TTN: variants seen among roughly 807,000 people sequenced by gnomAD.
TTN encodes the protein connectin.
Under a neutral mutation model 3,223.0 loss-of-function variants are expected in TTN, and 1,525 were observed. The ratio of observed to expected loss-of-function variants is 0.47; its 90% confidence interval spans 0.45 to 0.49. TTN has a LOEUF of 0.49. Ranked by LOEUF, TTN falls within the 20% of genes least tolerant of loss-of-function variation. The pLI is 0.00. For missense variants in TTN, 40,786 were observed against 43,424.0 expected, an observed-to-expected ratio of 0.94 and a Z score of 5.40; for synonymous variants, 14,094 against 15,161.0, an observed-to-expected ratio of 0.93 and a Z score of 5.17.
Position 178,612,756 on chromosome 2 carries a change from C to T in TTN, c.49948+17G>A. On this transcript the variant is annotated intron_variant, in intron 265 of 362. Transcript: ENST00000589042. ...ATTAGAAGAATTTATATATCCCAGA[C>T]ATCAAGAGTGACTTACATAGCTTCT... The T allele has an allele frequency of 6.2e-7, 1 of 1,600,218 alleles. No homozygotes were observed. Among genetic ancestry groups the T allele is most frequent in the Non-Finnish European group, 8.5e-7 (1 of 1,175,406 alleles).
In TTN at chr2:178,654,220, G is replaced by A. The variant is rs1454897026; in HGVS notation, c.38368C>T (p.Pro12790Ser). 24 of 1,597,098 alleles carry A rather than the reference G, an allele frequency of 1.5e-5. 1 individual carries two copies. Among genetic ancestry groups the A allele is most frequent in the Non-Finnish European group, 2.0e-5 (23 of 1,177,862 alleles). The change falls in exon 193 of 363, where the codon CCA (proline) becomes TCA (serine). Residue 12790 changes from proline to serine, a missense_variant. Physicochemically the swap from Pro to Ser is moderately conservative, Grantham distance 74. Coordinates refer to ENST00000589042, the MANE Select transcript of TTN (RefSeq NM_001267550.2). ...SVAVPKKPEA[P>S]RAKVPEAAQE... Reference sequence around the variant, plus strand: ...AGGGAATAAATACCTTTTGCACGTGGGGCTTCCGGTTTTTTGGGCACAGCC... The same window carrying A: ...AGGGAATAAATACCTTTTGCACGTGAGGCTTCCGGTTTTTTGGGCACAGCC...
rs1702051933 is a variant in TTN at position 178,557,657 on chromosome 2, G to C, written c.87697C>G (p.Leu29233Val). The C allele has an allele frequency of 6.2e-7, 1 of 1,613,796 alleles. No homozygotes were observed. ...HIDSACVTVK[L>V]PYTTPGPPST... ...AAGTTGGACAACTTACTGTATGGTA[G>C]TTTGACAGTCACACAAGCTGAATCT... The change falls in exon 328 of 363, where the codon CTA becomes GTA. Residue 29233 changes from leucine to valine, a missense_variant. Coordinates refer to ENST00000589042, the MANE Select transcript of TTN (RefSeq NM_001267550.2).
At position 178,728,721 on chromosome 2, in the gene TTN, A is replaced by G. The variant is rs1268309891; in HGVS notation, c.19205T>C (p.Met6402Thr). The change falls in exon 66 of 363, where the codon ATG becomes ACG. Residue 6402 changes from methionine (M) to threonine (T), a missense_variant. Met to Thr is a moderately conservative substitution (Grantham distance 81). Transcript: ENST00000589042. ...KSVDVTEKDPMTLECVVAGTP... is the reference protein window; with the variant it reads ...KSVDVTEKDPTTLECVVAGTP... ...TCCAGCCACAACACATTCCAAGGTC[A>G]TGGGATCTTTCTCCGTAACATCAAC... 1 of 1,611,316 alleles carries G rather than the reference A, an allele frequency of 6.2e-7. No individual in the cohort carries two copies. The highest frequency in any genetic ancestry group is 8.5e-7 in the Non-Finnish European group (1 of 1,177,820).
rs2079507159 is a variant in TTN, at chr2:178,727,306, G to C, written c.20059C>G (p.Leu6687Val). 1.2e-6 allele frequency: 2 copies of C among 1,612,576 alleles called. No homozygotes were observed. Among genetic ancestry groups the C allele is most frequent in the Non-Finnish European group, 1.7e-6 (2 of 1,179,168 alleles). The change falls in exon 69 of 363, where the codon CTT (leucine) becomes GTT (valine). Residue 6687 changes from leucine (L) to valine (V), a missense_variant. Physicochemically the swap from Leu to Val is conservative, Grantham distance 32 (BLOSUM62 1). Transcript: ENST00000589042. Reference protein sequence around the residue: ...KIVKAGDSSRLECKIAGSPEI... With the variant: ...KIVKAGDSSRVECKIAGSPEI... ...GGGGATCCAGCTATCTTGCATTCAA[G>C]TCGTGAAGAGTCACCTGCTTTCACA...
At position 178,715,180 on chromosome 2, in the gene TTN, G is replaced by C. The variant is rs773386252; in HGVS notation, c.26006C>G (p.Thr8669Ser). Residue 8669 changes from threonine (T) to serine (S), a missense_variant, in exon 90 of 363, where the codon ACT (threonine) becomes AGT (serine). Thr to Ser is a moderately conservative substitution (Grantham distance 58). Coordinates refer to ENST00000589042, the MANE Select transcript of TTN (RefSeq NM_001267550.2). ...ATACCAAGAAACGTGAAATGGGGGA[G>C]TGCCCTGAAGCTCACATTCAAGGTG... ...DVHLECELQG[T>S]PPFHVSWYKD... The C allele has an allele frequency of 6.2e-7, 1 of 1,613,736 alleles. No individual in the cohort carries two copies. Among genetic ancestry groups the C allele is most frequent in the Non-Finnish European group, 8.5e-7 (1 of 1,179,704 alleles).
Position 178,746,598 on chromosome 2 carries a change from C to A in TTN, c.11312-4677G>T, listed in dbSNP as rs748674892. The A allele has an allele frequency of 5.0e-6, 8 of 1,613,126 alleles. No individual in the cohort carries two copies. The highest frequency in any genetic ancestry group is 3.3e-5 in the Admixed American group (2 of 59,858). ...TCCTGGGGCATTATGTCTACATTTG[C>A]AAAGCTCTTTGCTTCCCCTATGATG... On this transcript the variant is annotated intron_variant, in intron 47 of 362. Transcript: ENST00000589042.
chr2:178,778,604 A>G lies in TTN; in HGVS notation c.4208+270T>C, dbSNP rs2092470135. 3 of 465,524 alleles carry G rather than the reference A, an allele frequency of 6.4e-6. No individual in the cohort carries two copies. The Admixed American group carries it at 1.0e-4, about 16-fold the overall frequency. 28.8% of individuals were successfully genotyped at this position (465,524 alleles called of 1,614,324 possible). A position where few individuals can be genotyped will look rare whatever the true frequency, so the allele number is the denominator to read the frequency against. On this transcript the variant is annotated intron_variant, in intron 24 of 362. Coordinates refer to ENST00000589042, the MANE Select transcript of TTN (RefSeq NM_001267550.2). ...TTGCAGGGCTGTTGTATAAATTTAC[A>G]TATGTAAAAATCAGGTGTCAAATAA...
At position 178,750,501 on chromosome 2, in the gene TTN, A is replaced by G. The variant is rs182640468; in HGVS notation, c.11311+2623T>C. 1 of 1,612,836 alleles carries G rather than the reference A, an allele frequency of 6.2e-7. No homozygotes were observed. The highest frequency in any genetic ancestry group is 1.7e-5 in the Admixed American group (1 of 59,798). On this transcript the variant is annotated intron_variant, in intron 47 of 362. Coordinates refer to ENST00000589042, the MANE Select transcript of TTN (RefSeq NM_001267550.2). ...ACTATAGGTTGAGGATATCCTTGAA[A>G]ATGACACACAAAATTACAACTGTCA...
At position 178,601,664 on chromosome 2, in the gene TTN, C is replaced by G. The variant is rs780649835; in HGVS notation, c.55426G>C (p.Val18476Leu). ...GQKTANCRVK[V>L]MDVPGPPKDL... ...CTTTCAAAGTCTTTCTTACCCATGA[C>G]TTTAACTCTGCAATTTGCAGTCTTT... The change falls in exon 286 of 363, where the codon GTC (valine) becomes CTC (leucine). Residue 18476 changes from valine to leucine, a missense_variant. Coordinates refer to ENST00000589042, the MANE Select transcript of TTN (RefSeq NM_001267550.2). The G allele has an allele frequency of 6.3e-7, 1 of 1,597,228 alleles. No individual in the cohort carries two copies. The highest frequency in any genetic ancestry group is 8.5e-7 in the Non-Finnish European group (1 of 1,174,860).
In TTN at chr2:178,775,205, A is replaced by G. The variant is rs1461572602; in HGVS notation, c.6509-3T>C. Reference sequence around the variant, plus strand: ...TGTGAAAGTGATCAATTGCTTGGCTACAAGAAAAAGGTGGGGGAAAAAGGG... The same window carrying G: ...TGTGAAAGTGATCAATTGCTTGGCTGCAAGAAAAAGGTGGGGGAAAAAGGG... On this transcript the variant is annotated splice_region_variant and splice_polypyrimidine_tract_variant and intron_variant, in intron 28 of 362. Coordinates refer to ENST00000589042, the MANE Select transcript of TTN (RefSeq NM_001267550.2). The G allele has an allele frequency of 1.2e-6, 2 of 1,613,920 alleles. No individual in the cohort carries two copies. Among genetic ancestry groups the G allele is most frequent in the African/African-American group, 2.7e-5 (2 of 75,066 alleles).
chr2:178,697,016 C>G, intron 113 of TTN, 105 bp downstream of exon 113: 1 of 1,038,028 alleles, frequency 9.6e-7, no homozygotes, highest in South Asian at 1.5e-5. Flanking sequence ...AGAGGAGACT[C>G]CACAACTTTC....
intron 34 of TTN, 152 bp downstream of exon 34, chr2:178,771,059 T>C: frequency 7.9e-7 from 1 of 1,257,932 alleles, no homozygotes; most frequent in Non-Finnish European, 1.1e-6. Flanking sequence ...TTGTACCTTG[T>C]GGAATGTGTC....
At position 178,604,004 on chromosome 2, in the gene TTN, C is replaced by T. The variant is rs2154194670; in HGVS notation, c.54683G>A (p.Gly18228Asp). 1 of 1,612,898 alleles carries T rather than the reference C, an allele frequency of 6.2e-7. No homozygotes were observed. The highest frequency in any genetic ancestry group is 1.3e-5 in the African/African-American group (1 of 74,970). ...RAPITKVGLK[G>D]VEFNVPRLLE... ...CAAACGAGGAACATTAAATTCCACG[C>T]CTTTCAATCCCACTTTGGTTATTGG... The change falls in exon 282 of 363, where the codon GGC becomes GAC. Residue 18228 changes from glycine (G) to aspartate (D), a missense_variant. Coordinates refer to ENST00000589042, the MANE Select transcript of TTN (RefSeq NM_001267550.2).
Position 178,634,595 on chromosome 2 carries a change from A to T in TTN, c.42186T>A (p.Asp14062Glu). Reference protein sequence around the residue: ...IELDFAVPLKDVTVPERRQAR... With the variant: ...IELDFAVPLKEVTVPERRQAR... ...CCTGTCGCCTTTCTGGAACAGTGACATCCTTCAGGGGCACAGCAAAGTCAA... is the reference window on the plus strand; with the variant it reads ...CCTGTCGCCTTTCTGGAACAGTGACTTCCTTCAGGGGCACAGCAAAGTCAA... The change falls in exon 230 of 363, where the codon GAT becomes GAA. Residue 14062 changes from aspartate to glutamate, a missense_variant. By Grantham distance (45) the Asp-to-Glu change is conservative. Coordinates refer to ENST00000589042, the MANE Select transcript of TTN (RefSeq NM_001267550.2). This position sits in a 1 kb window ranked among gnomAD's most constrained non-coding sequence, Gnocchi z 4.6. 1 of 1,613,360 alleles carries T rather than the reference A, an allele frequency of 6.2e-7. No homozygotes were observed. The highest frequency in any genetic ancestry group is 8.5e-7 in the Non-Finnish European group (1 of 1,179,518).
Position 178,594,339 on chromosome 2 carries a change from C to A in TTN, c.58150+5G>T. On this transcript the variant is annotated splice_donor_5th_base_variant and intron_variant, in intron 296 of 362. Transcript: ENST00000589042. ...TCAGAAGTATAAATTGTAGTAGACA[C>A]ATACCCAGCTCATCCTTGCAAGTAA... is the stretch of plus-strand genomic sequence containing the variant. 6.3e-7 allele frequency: 1 copy of A among 1,592,324 alleles called. No individual in the cohort carries two copies. Among genetic ancestry groups the A allele is most frequent in the Non-Finnish European group, 8.5e-7 (1 of 1,170,726 alleles).
At position 178,604,303 on chromosome 2, in the gene TTN, G is replaced by A. The variant is rs762852405; in HGVS notation, c.54384C>T (p.Ile18128=). Residue 18128 remains isoleucine (I), a splice_region_variant and synonymous_variant, in exon 282 of 363, where the codon ATC becomes ATT. Transcript: ENST00000589042. ...TNTAVEKRYG[I]WKLIPNGQYE... is the part of the protein sequence containing the mutation. ...ACTGACCATTGGGGATAAGTTTCCAGATCTAGAAATTAGAAAAACAGAAAT... is the reference window on the plus strand; with the variant it reads ...ACTGACCATTGGGGATAAGTTTCCAAATCTAGAAATTAGAAAAACAGAAAT... 4.9e-6 allele frequency: 7 copies of A among 1,441,530 alleles called. 1 individual carries two copies. The South Asian group carries it at 1.2e-4, about 26-fold the overall frequency. The allele number at this position is 1,441,530 out of a possible 1,614,324, so 89.3% of individuals were successfully genotyped here.
In TTN at chr2:178,712,832, A is replaced by T; in HGVS notation, c.27193T>A (p.Cys9065Ser). The T allele has an allele frequency of 6.2e-7, 1 of 1,613,818 alleles. No individual in the cohort carries two copies. Among genetic ancestry groups the T allele is most frequent in the East Asian group, 2.2e-5 (1 of 44,854 alleles). ...ACTGAATCCTCCAAAGACACGTTGC[A>T]TCTGTCACCTGGTACTAGTTCACTG... ...GSSELVPGDRCNVSLEDSVAE... is the reference protein window; with the variant it reads ...GSSELVPGDRSNVSLEDSVAE... The change falls in exon 94 of 363, where the codon TGC becomes AGC. Residue 9065 changes from cysteine (C) to serine (S), a missense_variant. Transcript: ENST00000589042.
chr2:178,598,600 T>C lies in TTN; in HGVS notation c.57017A>G (p.Asp19006Gly), dbSNP rs747343924. 11 of 1,608,624 alleles carry C rather than the reference T, an allele frequency of 6.8e-6. No homozygotes were observed. The highest frequency in any genetic ancestry group is 1.3e-5 in the African/African-American group (1 of 74,588). Reference protein sequence around the residue: ...KVTDWTKSSADLEWSPPLKDG... With the variant: ...KVTDWTKSSAGLEWSPPLKDG... ...TTTTAGTGGGGGAGACCACTCCAGA[T>C]CTGCAGATGATTTAGTCCAATCTGT... The change falls in exon 292 of 363, where the codon GAT (aspartate) becomes GGT (glycine). Residue 19006 changes from aspartate to glycine, a missense_variant. Coordinates refer to ENST00000589042, the MANE Select transcript of TTN (RefSeq NM_001267550.2).
At chr2:178,745,654 T>C in intron 47 of TTN, 1 of 1,612,398 alleles carries the variant, frequency 6.2e-7, no homozygotes, top group Admixed American at 1.7e-5. Flanking sequence ...ACCTATACTC[T>C]CCTTCATCAC....
Sources: allele counts gnomAD v4.1 joint callset, GRCh38; gene constraint gnomAD v4.1.1; non-coding constraint Gnocchi (gnomAD v3.1); transcripts MANE v1.5; gene names NCBI Gene and HGNC (gene_info 2026-07-23, HGNC 2026-07-21).